ARMC2: variants seen among roughly 807,000 people sequenced by gnomAD.
ARMC2 encodes the protein armadillo repeat containing 2, also known as armadillo repeat-containing protein 2.
In ARMC2, 67 loss-of-function variants were observed where a neutral mutation model predicts 90.3. The observed-to-expected ratio is 0.74, with a 90% CI of 0.61 to 0.91. The LOEUF (loss-of-function observed/expected upper bound fraction) is 0.91, where lower values mean the gene tolerates loss of function less well. Ranked by LOEUF, ARMC2 falls within the 40% of genes least tolerant of loss-of-function variation. ARMC2 has a pLI of 0.00. For missense variants in ARMC2, 920 were observed against 1,030.9 expected (o/e 0.89, Z 1.47); for synonymous variants, 393 against 393.0 (o/e 1.00, Z 0.00).
At position 108,951,230 on chromosome 6, in the gene ARMC2, C is replaced by T. The variant is rs975620865; in HGVS notation, c.1597-1803C>T. 3.9e-5 allele frequency among the ~76,000 whole-genome samples: 6 copies of T among 152,162 alleles called. 1 individual carries two copies. Among genetic ancestry groups the T allele is most frequent in the South Asian group, 4.1e-4 (2 of 4,828 alleles). ...CTTCCTTTGCCGTTTTAGTCTTTGC[C>T]GTTTCCCCACATATGTTAGCCTTGT... On this transcript the variant is annotated intron_variant, in intron 12 of 17. Transcript: ENST00000392644.
chr6:108,978,448 GTGC>G (rs1380167948), downstream of ARMC2, among the ~76,000 whole-genome samples: 1 of 152,166 alleles, frequency 6.6e-6, no homozygotes, highest in African/African-American at 2.4e-5. Context: ...GTGCAATGTG[GTGC>G]TGAGAAGAAT....
rs186042499 is a variant in ARMC2 at position 108,931,771 on chromosome 6, T to A, written c.1496+3538T>A. ...GTTTGTTCATGTTCTTTGCCCACTT[T>A]TTTTTTTTTGAGATGGAGTTTCGTT... On this transcript the variant is annotated intron_variant, in intron 11 of 17. Transcript: ENST00000392644. 8.6e-5 allele frequency among the ~76,000 whole-genome samples: 13 copies of A among 151,886 alleles called. No homozygotes were observed. In the East Asian group the frequency reaches 2.5e-3, roughly 29 times the overall value.
chr6:109,026,772 G>A, the ARMC2 span, among the ~76,000 whole-genome samples: 1 of 152,086 alleles, frequency 6.6e-6, no homozygotes, highest in Non-Finnish European at 1.5e-5. Context: ...CAAAGTGCTG[G>A]GATTGCAGGC....
intron 1 of ARMC2, among the ~76,000 whole-genome samples, chr6:108,849,526 T>C (rs1332088685): frequency 1.3e-5 from 2 of 152,180 alleles, no homozygotes; most frequent in African/African-American, 4.8e-5. Context: ...ACTTAAAGTA[T>C]AATAATAAAA....
chr6:108,985,108 G>A, the ARMC2 span, among the ~76,000 whole-genome samples: 1 of 152,048 alleles, frequency 6.6e-6, no homozygotes, highest in African/African-American at 2.4e-5. Context: ...TCTGATTCAT[G>A]TATGATATTC....
At chr6:108,998,485 T>C in the ARMC2 span, 1 of 1,611,668 alleles carries the variant, frequency 6.2e-7, no homozygotes. Context: ...ATTAGTTTTA[T>C]GACAATCTCA....
Position 108,953,262 on chromosome 6 carries a change from G to A in ARMC2, c.1826G>A (p.Arg609His), listed in dbSNP as rs369690998. Residue 609 changes from arginine to histidine, a missense_variant, in exon 13 of 18, where the codon CGT becomes CAT. Transcript: ENST00000392644. Reference sequence around the variant, plus strand: ...GAGGACGTGCTCATCAAGCTGACTCGTGTGCTGGCCAACATTGCCATCCAC... The same window carrying A: ...GAGGACGTGCTCATCAAGCTGACTCATGTGCTGGCCAACATTGCCATCCAC... ...EAEDVLIKLT[R>H]VLANIAIHPG... 260 of 1,613,280 alleles carry A rather than the reference G, an allele frequency of 1.6e-4. 1 individual carries two copies. Among genetic ancestry groups the A allele is most frequent in the Non-Finnish European group, 2.0e-4 (240 of 1,179,892 alleles).
intron 7 of ARMC2, among the ~76,000 whole-genome samples, chr6:108,902,083 T>C (rs1772217992): frequency 6.6e-6 from 1 of 152,222 alleles, no homozygotes; most frequent in African/African-American, 2.4e-5. Context: ...CTGTACCCAC[T>C]GTCAGGTTTT....
the ARMC2 span, among the ~76,000 whole-genome samples, chr6:109,032,104 T>C: frequency 1.3e-4 from 20 of 152,248 alleles, no homozygotes; most frequent in Middle Eastern, 6.8e-3. Context: ...ACCCCACCTC[T>C]ACTAAAAATA....
chr6:108,901,226 G>T (rs1772114620), intron 7 of ARMC2, among the ~76,000 whole-genome samples: 1 of 138,364 alleles, frequency 7.2e-6, no homozygotes, highest in Admixed American at 7.9e-5. Context: ...CTATTCTCCT[G>T]CCTCAGCCTC....
intron 5 of ARMC2, among the ~76,000 whole-genome samples, chr6:108,878,319 G>A (rs564515218): frequency 5.3e-5 from 8 of 152,088 alleles, no homozygotes; most frequent in Non-Finnish European, 8.8e-5. Context: ...AGTGGCAATT[G>A]TCAGTGAGCT....
the ARMC2 span, among the ~76,000 whole-genome samples, chr6:109,042,504 A>G: frequency 1.3e-5 from 2 of 151,212 alleles, no homozygotes; most frequent in East Asian, 3.9e-4. Flanking sequence ...ACCAATATCT[A>G]TTAGGAATGA....
the ARMC2 span, chr6:108,992,639 AAC>A: frequency 1.5e-6 from 1 of 651,874 alleles, no homozygotes; most frequent in South Asian, 1.8e-5. Context: ...ATGAATTAGA[AAC>A]AGTCTTTCAC....
chr6:108,877,626 T>C (rs942534436), intron 5 of ARMC2, among the ~76,000 whole-genome samples: 12 of 152,206 alleles, frequency 7.9e-5, no homozygotes, highest in Admixed American at 7.9e-4. Context: ...GCAGGAAAAC[T>C]TGTGTTTCTT....
the ARMC2 span, among the ~76,000 whole-genome samples, chr6:109,048,155 C>CAGTG: frequency 6.6e-6 from 1 of 151,620 alleles, no homozygotes; most frequent in Non-Finnish European, 1.5e-5. Context: ...TTCACTGAAA[C>CAGTG]AGTGACAAGA....
chr6:108,855,846 T>C (rs1273282631), intron 2 of ARMC2, among the ~76,000 whole-genome samples: 1 of 152,208 alleles, frequency 6.6e-6, no homozygotes, highest in Admixed American at 6.5e-5. Flanking sequence ...ATTTTACATA[T>C]GTATGTCTTC....
At chr6:108,951,216 G>A (rs376557088) in intron 12 of ARMC2, among the ~76,000 whole-genome samples, 17 of 152,266 alleles carry the variant, frequency 1.1e-4, no homozygotes, top group Admixed American at 2.0e-4. Flanking sequence ...TTCCTTTGCC[G>A]TTTTAGTCTT....
At chr6:109,009,742 T>TC in the ARMC2 span, among the ~76,000 whole-genome samples, 2 of 152,010 alleles carry the variant, frequency 1.3e-5, no homozygotes, top group African/African-American at 4.8e-5. Flanking sequence ...GGGCCCAGGT[T>TC]CCCCACGAAC....
At chr6:108,966,565 G>C (rs1244822397) in intron 17 of ARMC2, among the ~76,000 whole-genome samples, 1 of 152,050 alleles carries the variant, frequency 6.6e-6, no homozygotes, top group Non-Finnish European at 1.5e-5. Context: ...GTGAAATTTG[G>C]TTTTTCCAGG....
Sources: allele counts gnomAD v4.1 joint callset (sites outside exome capture counted in the v4.1 genomes callset), GRCh38; gene constraint gnomAD v4.1.1; transcripts MANE v1.5; gene names NCBI Gene and HGNC (gene_info 2026-07-23, HGNC 2026-07-21).